CNTN3: variants seen among roughly 807,000 people sequenced by gnomAD.
The protein encoded by CNTN3 is contactin 3, also known as contactin-3.
In CNTN3, 60 loss-of-function variants were observed where a neutral mutation model predicts 119.1. That is an observed-to-expected ratio of 0.50 (90% CI 0.41 to 0.62). The LOEUF is 0.62. CNTN3 is among the 20% of genes least tolerant of loss of function. The probability of loss-of-function intolerance (pLI) is 0.00; values close to 1 mark genes in which losing one functional copy is unlikely to be tolerated. For synonymous variants in CNTN3, 450 were observed against 438.7 expected, an observed-to-expected ratio of 1.03 and a Z score of -0.32; for missense variants, 1,101 against 1,242.4, an observed-to-expected ratio of 0.89 and a Z score of 1.71.
chr3:74,360,398 C>A (rs766955463), intron 11 of CNTN3, among the ~76,000 whole-genome samples: 1 of 152,126 alleles, frequency 6.6e-6, no homozygotes, highest in East Asian at 1.9e-4. Flanking sequence ...TAGAGTCAAA[C>A]AGAATGGCTC....
At chr3:74,607,695 C>T (rs1705016420) in intron 1 of CNTN3, among the ~76,000 whole-genome samples, 2 of 152,116 alleles carry the variant, frequency 1.3e-5, no homozygotes, top group Admixed American at 1.3e-4. Context: ...TAAAGGAGTT[C>T]ATGATATTTA....
At chr3:74,550,022 C>T (rs1473273026) in intron 1 of CNTN3, among the ~76,000 whole-genome samples, 1 of 152,128 alleles carries the variant, frequency 6.6e-6, no homozygotes, top group African/African-American at 2.4e-5. Flanking sequence ...CCCATCATAA[C>T]CTTGGTTCAG....
chr3:74,432,802 T>C (rs1575719942), intron 4 of CNTN3, among the ~76,000 whole-genome samples: 1 of 152,242 alleles, frequency 6.6e-6, no homozygotes, highest in East Asian at 1.9e-4. Flanking sequence ...TGTCTCCTCC[T>C]TTTTTGTTCC....
chr3:74,281,658 A>G (rs1378588519), intron 20 of CNTN3, among the ~76,000 whole-genome samples: 1 of 152,116 alleles, frequency 6.6e-6, no homozygotes, highest in Non-Finnish European at 1.5e-5. Flanking sequence ...AGAAGTGGTA[A>G]ATTCTTGATA....
intron 13 of CNTN3, among the ~76,000 whole-genome samples, chr3:74,327,105 C>CTTT (rs1491284899): frequency 3.0e-3 from 274 of 90,682 alleles, no homozygotes; most frequent in African/African-American, 4.5e-3. Context: ...AAGGGTTAAT[C>CTTT]CTTTTTTTTT....
In CNTN3 at chr3:74,298,106, G is replaced by A. The variant is rs1702378901; in HGVS notation, c.2252C>T (p.Thr751Ile). ...RPLGVTTWIQ[T>I]VVTSPDTPRY... is the part of the protein sequence containing the mutation. ...TGGGGTGTCAGGGGATGTCACCACT[G>A]TCTGGATCCAGGTGGTAACCCCAAG... is the stretch of plus-strand genomic sequence containing the variant. The change falls in exon 18 of 23, where the codon ACA becomes ATA. Residue 751 changes from threonine to isoleucine, a missense_variant. By Grantham distance (89) the Thr-to-Ile change is moderately conservative. Coordinates refer to ENST00000263665, the MANE Select transcript of CNTN3 (RefSeq NM_020872.3). 8.7e-6 allele frequency: 14 copies of A among 1,613,812 alleles called. No homozygotes were observed. Among genetic ancestry groups the A allele is most frequent in the Non-Finnish European group, 1.2e-5 (14 of 1,179,834 alleles).
At chr3:74,561,467 T>C (rs1704152897) in intron 1 of CNTN3, among the ~76,000 whole-genome samples, 1 of 152,170 alleles carries the variant, frequency 6.6e-6, no homozygotes, top group Non-Finnish European at 1.5e-5. Context: ...GTTCTTCATA[T>C]GCGTCAAGTT....
At chr3:74,541,975 T>G (rs1703848835) in intron 1 of CNTN3, among the ~76,000 whole-genome samples, 1 of 152,086 alleles carries the variant, frequency 6.6e-6, no homozygotes, top group African/African-American at 2.4e-5. Context: ...GGCTCATACT[T>G]GTAACACCAG....
At chr3:74,571,365 A>G (rs1340186199) in intron 1 of CNTN3, among the ~76,000 whole-genome samples, 1 of 152,104 alleles carries the variant, frequency 6.6e-6, no homozygotes, top group Non-Finnish European at 1.5e-5. Flanking sequence ...TTCTCATGGG[A>G]TTGGCCTGGG....
intron 1 of CNTN3, among the ~76,000 whole-genome samples, chr3:74,588,669 C>T (rs1032387337): frequency 6.6e-6 from 1 of 152,014 alleles, no homozygotes; most frequent in Non-Finnish European, 1.5e-5. Flanking sequence ...GCCAAAAGAA[C>T]AAAGCCGGAG....
intron 20 of CNTN3, among the ~76,000 whole-genome samples, chr3:74,270,112 C>A (rs577831621): frequency 6.6e-6 from 1 of 152,298 alleles, no homozygotes; most frequent in East Asian, 1.9e-4. Context: ...AAGTCCTCTG[C>A]ACCTTGAGAG....
At chr3:74,435,576 C>G (rs180864991) in intron 4 of CNTN3, among the ~76,000 whole-genome samples, 2 of 152,104 alleles carry the variant, frequency 1.3e-5, no homozygotes, top group Admixed American at 6.6e-5. Context: ...CTTATGAAGT[C>G]ATAAGAGTAT....
chr3:74,352,779 G>A (rs1703847534), intron 11 of CNTN3, among the ~76,000 whole-genome samples: 2 of 152,234 alleles, frequency 1.3e-5, no homozygotes, highest in South Asian at 4.1e-4. Context: ...AATTCTCCCT[G>A]TGCTTCAAGG....
At chr3:74,334,624 C>G in intron 13 of CNTN3, 111 bp downstream of exon 13, 2 of 993,376 alleles carry the variant, frequency 2.0e-6, no homozygotes, top group Non-Finnish European at 2.9e-6. Context: ...ACCAAAACCA[C>G]TTATTTAGAA....
At chr3:74,265,986 A>G (rs1701654233) in intron 22 of CNTN3, among the ~76,000 whole-genome samples, 1 of 152,136 alleles carries the variant, frequency 6.6e-6, no homozygotes, top group Non-Finnish European at 1.5e-5. Context: ...TGGAGAGGAA[A>G]AATTCGTATG....
At chr3:74,325,386 C>T (rs187917748) in intron 13 of CNTN3, among the ~76,000 whole-genome samples, 1 of 152,164 alleles carries the variant, frequency 6.6e-6, no homozygotes, top group East Asian at 1.9e-4. Context: ...GTTATAATTC[C>T]CAATCTTTCC....
At position 74,369,909 on chromosome 3, in the gene CNTN3, C is replaced by T; in HGVS notation, c.741G>A (p.Leu247=). The T allele has an allele frequency of 1.2e-6, 2 of 1,603,640 alleles. No individual in the cohort carries two copies. Among genetic ancestry groups the T allele is most frequent in the Non-Finnish European group, 1.7e-6 (2 of 1,172,776 alleles). ...CTTACTTTCCAAGGGCAAAACATTC[C>T]AATTTCACAGTCGAACCTTTAGCTG... The part of the protein sequence containing the change: ...LPAAKGSTVK[L]ECFALGNPIP... The change falls in exon 7 of 23, where the codon TTG becomes TTA. Residue 247 remains leucine, a synonymous_variant. Coordinates refer to ENST00000263665, the MANE Select transcript of CNTN3 (RefSeq NM_020872.3).
intron 4 of CNTN3, among the ~76,000 whole-genome samples, chr3:74,475,415 T>C (rs1336196761): frequency 6.6e-6 from 1 of 152,170 alleles, no homozygotes; most frequent in African/African-American, 2.4e-5. Context: ...CAGGATTAGT[T>C]TGGTAACCTG....
intron 13 of CNTN3, among the ~76,000 whole-genome samples, chr3:74,321,344 TAAAAA>T (rs897619642): frequency 6.6e-6 from 1 of 151,996 alleles, no homozygotes; most frequent in Admixed American, 6.6e-5. Flanking sequence ...GGTTTTAAAT[TAAAAA>T]AAGATTTTGA....
Sources: gnomAD v4.1 joint callset for allele counts (sites outside exome capture counted in the v4.1 genomes callset) on GRCh38, gnomAD v4.1.1 for gene constraint, MANE v1.5 for transcripts, NCBI Gene and HGNC (gene_info 2026-07-23, HGNC 2026-07-21) for gene names.